Variants in CAMTA1 observed in about 807,000 individuals in gnomAD.
CAMTA1 encodes calmodulin-binding transcription activator 1.
In CAMTA1, 27 loss-of-function variants were observed where a neutral mutation model predicts 170.9. The observed-to-expected ratio is 0.16, with a 90% CI of 0.12 to 0.22. The LOEUF (loss-of-function observed/expected upper bound fraction) is 0.22, where lower values mean the gene tolerates loss of function less well. CAMTA1 is among the 10% of genes least tolerant of loss of function. The probability of loss-of-function intolerance (pLI) is 1.00; values close to 1 mark genes in which losing one functional copy is unlikely to be tolerated. For missense variants in CAMTA1, 1,619 were observed against 2,217.2 expected (o/e 0.73, Z 5.42); for synonymous variants, 833 against 891.5 (o/e 0.93, Z 1.17).
rs548791183 is a variant in CAMTA1, at chr1:7,671,948, G to C, written c.2779+911G>C. 73 of 454,638 alleles carry C rather than the reference G, an allele frequency of 1.6e-4. 1 individual carries two copies. Among genetic ancestry groups the C allele is most frequent in the South Asian group, 1.1e-3 (72 of 64,476 alleles). 28.2% of individuals were successfully genotyped at this position (454,638 alleles called of 1,614,324 possible). A position where few individuals can be genotyped will look rare whatever the true frequency, so the allele number is the denominator to read the frequency against. Reference sequence around the variant, plus strand: ...ACAGAGGGGGATGGAGATTGTGACGGAATGAATGAGTCTCCAGGCATCTGA... The same window carrying C: ...ACAGAGGGGGATGGAGATTGTGACGCAATGAATGAGTCTCCAGGCATCTGA... On this transcript the variant is annotated intron_variant, in intron 10 of 22. Coordinates refer to ENST00000303635, the MANE Select transcript of CAMTA1 (RefSeq NM_015215.4).
At chr1:7,672,259 C>T (rs543295137) in intron 10 of CAMTA1, among the ~76,000 whole-genome samples, 26 of 152,098 alleles carry the variant, frequency 1.7e-4, no homozygotes, top group Admixed American at 1.5e-3. Flanking sequence ...GCTAGGCAGG[C>T]CCCAGGGTGT....
intron 4 of CAMTA1, among the ~76,000 whole-genome samples, chr1:7,222,479 G>A (rs1574000323): frequency 6.6e-6 from 1 of 152,076 alleles, no homozygotes; most frequent in Admixed American, 6.5e-5. Flanking sequence ...ATTTAGGAAC[G>A]TGTCCTTGCC....
chr1:7,750,566 T>A (rs1268791471), intron 19 of CAMTA1, among the ~76,000 whole-genome samples: 1 of 152,268 alleles, frequency 6.6e-6, no homozygotes, highest in African/African-American at 2.4e-5. Flanking sequence ...CGTGGAGGAC[T>A]CCTGGCACTG....
chr1:7,404,056 T>C (rs987149893), intron 5 of CAMTA1, among the ~76,000 whole-genome samples: 1 of 152,162 alleles, frequency 6.6e-6, no homozygotes, highest in Non-Finnish European at 1.5e-5. Context: ...CAGATATCTG[T>C]GATCTCATTT....
At chr1:6,959,448 G>C (rs1467647436) in intron 3 of CAMTA1, among the ~76,000 whole-genome samples, 1 of 152,184 alleles carries the variant, frequency 6.6e-6, no homozygotes, top group Non-Finnish European at 1.5e-5. Flanking sequence ...AGGGCGACTG[G>C]TAATCAGATT....
At chr1:7,089,404 GT>G (rs1641175792) in intron 3 of CAMTA1, among the ~76,000 whole-genome samples, 1 of 152,162 alleles carries the variant, frequency 6.6e-6, no homozygotes, top group African/African-American at 2.4e-5. Flanking sequence ...AATTGGCAAA[GT>G]TTTAGTCAGG....
intron 4 of CAMTA1, among the ~76,000 whole-genome samples, chr1:7,110,808 G>A (rs1487259951): frequency 6.6e-6 from 1 of 152,214 alleles, no homozygotes; most frequent in African/African-American, 2.4e-5. Flanking sequence ...CCCAGTTTAG[G>A]GACTCTGTGC....
At chr1:7,111,667 C>T (rs975707913) in intron 4 of CAMTA1, among the ~76,000 whole-genome samples, 5 of 152,026 alleles carry the variant, frequency 3.3e-5, no homozygotes, top group African/African-American at 9.7e-5. Flanking sequence ...GGGCAGATCA[C>T]GAGGTCAGGA....
chr1:7,098,074 G>A (rs991905688), intron 4 of CAMTA1, among the ~76,000 whole-genome samples: 25 of 151,904 alleles, frequency 1.6e-4, no homozygotes, highest in Middle Eastern at 3.4e-3. Context: ...TATTCAGCTG[G>A]GCAGGATTGG....
chr1:7,270,248 CACACACACA>C (rs1669537500), intron 5 of CAMTA1, among the ~76,000 whole-genome samples: 3 of 16,964 alleles, frequency 1.8e-4, no homozygotes, highest in Admixed American at 7.3e-4. Context: ...TATACATACA[CACACACACA>C]CACACACACA....
chr1:7,189,893 C>T (rs890884067), intron 4 of CAMTA1, among the ~76,000 whole-genome samples: 1 of 152,200 alleles, frequency 6.6e-6, no homozygotes, highest in African/African-American at 2.4e-5. Flanking sequence ...GTCCATCAGT[C>T]AACGAGTGGA....
chr1:6,939,463 G>C (rs983878334), intron 3 of CAMTA1, among the ~76,000 whole-genome samples: 5 of 152,140 alleles, frequency 3.3e-5, no homozygotes, highest in Non-Finnish European at 5.9e-5. Context: ...ATAATGTGTG[G>C]ACAGGACTTG....
At chr1:7,760,467 G>A (rs915369012) in intron 22 of CAMTA1, among the ~76,000 whole-genome samples, 3 of 152,220 alleles carry the variant, frequency 2.0e-5, no homozygotes, top group Non-Finnish European at 2.9e-5. Context: ...TCACACTTCC[G>A]TAGCTCAATT....
chr1:7,411,529 CAAAAAAAAAAAAAAAA>C (rs869078814), intron 5 of CAMTA1, among the ~76,000 whole-genome samples: 2 of 67,204 alleles, frequency 3.0e-5, no homozygotes, highest in Admixed American at 2.0e-4. Context: ...GACTCTGCCT[CAAAAAAAAAAAAAAAA>C]AAAAAAAAAA....
At chr1:7,374,222 C>T (rs2086686764) in intron 5 of CAMTA1, among the ~76,000 whole-genome samples, 2 of 152,208 alleles carry the variant, frequency 1.3e-5, no homozygotes, top group African/African-American at 2.4e-5. Flanking sequence ...AGGTGAAATT[C>T]GAATAGAGCC....
At chr1:7,099,081 C>T (rs569997191) in intron 4 of CAMTA1, among the ~76,000 whole-genome samples, 27 of 152,206 alleles carry the variant, frequency 1.8e-4, no homozygotes, top group African/African-American at 6.5e-4. Flanking sequence ...TATGGAGTCT[C>T]GCCATCAGCC....
At chr1:7,198,491 G>T (rs1202694492) in intron 4 of CAMTA1, among the ~76,000 whole-genome samples, 1 of 152,036 alleles carries the variant, frequency 6.6e-6, no homozygotes, top group Non-Finnish European at 1.5e-5. Flanking sequence ...AAGGTGTCAG[G>T]AATGTGTCCC....
rs149306128 is a variant in CAMTA1, at chr1:7,018,940, C to A, written c.235-72364C>A. 2.9e-3 allele frequency among the ~76,000 whole-genome samples: 444 copies of A among 152,318 alleles called. 3 individuals carry two copies. The highest frequency in any genetic ancestry group is 1.0e-2 in the African/African-American group (414 of 41,570). ...AAACATGTTAGAGAAGGCCCGTCTGCAGAGGGGCCCGAAGAGACCCGAGGA... is the reference window on the plus strand; with the variant it reads ...AAACATGTTAGAGAAGGCCCGTCTGAAGAGGGGCCCGAAGAGACCCGAGGA... On this transcript the variant is annotated intron_variant, in intron 3 of 22. Transcript: ENST00000303635.
intron 6 of CAMTA1, among the ~76,000 whole-genome samples, chr1:7,549,869 C>G (rs572639614): frequency 7.2e-5 from 11 of 152,220 alleles, no homozygotes; most frequent in Admixed American, 6.5e-4. Context: ...TGCCAAGCGC[C>G]CAGGCTTGGC....
Sources: gnomAD v4.1 joint callset for allele counts (sites outside exome capture counted in the v4.1 genomes callset) on GRCh38, gnomAD v4.1.1 for gene constraint, MANE v1.5 for transcripts, NCBI Gene and HGNC (gene_info 2026-07-23, HGNC 2026-07-21) for gene names.